The following UQCC1 variants were observed in gnomAD, a reference collection of about 807,000 sequenced individuals.
UQCC1 encodes the protein bFGF-repressed Zic-binding protein.
UQCC1 carries 38 observed loss-of-function variants against 48.0 expected under a neutral mutation model. The observed-to-expected ratio is 0.79, with a 90% confidence interval of 0.61 to 1.04. The LOEUF is 1.04. Among genes scored for constraint, UQCC1 ranks in the 50% least tolerant of loss-of-function variants. The pLI, the probability that UQCC1 is intolerant of heterozygous loss-of-function variation, is 0.00. For synonymous variants in UQCC1, 111 were observed against 129.2 expected (o/e 0.86, Z 0.95); for missense variants, 368 against 381.8 (o/e 0.96, Z 0.30).
intron 1 of UQCC1, among the ~76,000 whole-genome samples, chr20:35,400,420 T>A (rs1049399605): frequency 6.6e-6 from 1 of 152,022 alleles, no homozygotes; most frequent in African/African-American, 2.4e-5. Flanking sequence ...TTAAGATAAA[T>A]GCACTGTTAC....
At chr20:35,385,285 C>A (rs530736337) in intron 2 of UQCC1, among the ~76,000 whole-genome samples, 2 of 152,154 alleles carry the variant, frequency 1.3e-5, no homozygotes, top group Non-Finnish European at 2.9e-5. Flanking sequence ...ACTATCATCA[C>A]CAGCATTATT....
intron 5 of UQCC1, among the ~76,000 whole-genome samples, chr20:35,372,445 T>C (rs2061745135): frequency 6.6e-6 from 1 of 152,182 alleles, no homozygotes; most frequent in Non-Finnish European, 1.5e-5. Flanking sequence ...TTCCAGGTTA[T>C]GAATAAAGAA....
intron 1 of UQCC1, among the ~76,000 whole-genome samples, chr20:35,399,585 G>C (rs2062129933): frequency 6.6e-6 from 1 of 152,156 alleles, no homozygotes; most frequent in East Asian, 1.9e-4. Flanking sequence ...GCCGGGCGCA[G>C]TGGCTCACAT....
intron 7 of UQCC1, among the ~76,000 whole-genome samples, chr20:35,331,054 G>A (rs1437584862): frequency 6.6e-6 from 1 of 152,044 alleles, no homozygotes; most frequent in Non-Finnish European, 1.5e-5. Context: ...AACACCTATC[G>A]AAAATGCCAA....
At chr20:35,410,343 C>G (rs2062330712) in intron 1 of UQCC1, among the ~76,000 whole-genome samples, 2 of 151,388 alleles carry the variant, frequency 1.3e-5, no homozygotes, top group African/African-American at 4.9e-5. Flanking sequence ...ACCAGTCTGG[C>G]CAACATGGTG....
intron 3 of UQCC1, among the ~76,000 whole-genome samples, chr20:35,383,707 G>A (rs950147149): frequency 1.3e-5 from 2 of 152,046 alleles, no homozygotes. Context: ...AAAATTGGCA[G>A]TACACAGTGG....
In UQCC1 at chr20:35,382,711, C is replaced by T. The variant is rs180960955; in HGVS notation, c.226-686G>A. Among the ~76,000 whole-genome samples, 81 of 151,544 alleles carry T rather than the reference C, an allele frequency of 5.3e-4. 1 individual carries two copies. The South Asian group carries it at 0.012, about 23-fold the overall frequency. On this transcript the variant is annotated intron_variant, in intron 3 of 9. Coordinates refer to ENST00000374385, the MANE Select transcript of UQCC1 (RefSeq NM_018244.5). ...ATTTTTAATAGAGATGGAGTTTCAC[C>T]GTGTTAGCCAGGATGGTCTAGATCT...
intron 2 of UQCC1, among the ~76,000 whole-genome samples, chr20:35,391,295 T>C (rs2062011706): frequency 6.6e-6 from 1 of 152,106 alleles, no homozygotes; most frequent in African/African-American, 2.4e-5. Context: ...ACTAGTACTC[T>C]TCAAAAGTGT....
rs765250406 is a variant in UQCC1 at position 35,347,178 on chromosome 20, C to A, written c.559G>T (p.Gly187Cys). Residue 187 changes from glycine to cysteine, a missense_variant, in exon 7 of 10, where the codon GGC becomes TGC. Physicochemically the swap from Gly to Cys is radical, Grantham distance 159 (BLOSUM62 -3). Coordinates refer to ENST00000374385, the MANE Select transcript of UQCC1 (RefSeq NM_018244.5). ...CACTCACTTACCCCCATGACTCTGC[C>A]GCGCTGCTGAACATCCTCCCACATA... ...HFMWEDVQQR[G>C]RVMGVNPYIL... is the part of the protein sequence containing the mutation. 1 of 1,614,030 alleles carries A rather than the reference C, an allele frequency of 6.2e-7. No homozygotes were observed. The highest frequency in any genetic ancestry group is 8.5e-7 in the Non-Finnish European group (1 of 1,180,034).
At chr20:35,396,630 A>C (rs1448012984) in intron 1 of UQCC1, among the ~76,000 whole-genome samples, 3 of 152,192 alleles carry the variant, frequency 2.0e-5, no homozygotes, top group African/African-American at 7.2e-5. Flanking sequence ...TTGATTTCCA[A>C]GACAAGAGAG....
intron 8 of UQCC1, among the ~76,000 whole-genome samples, chr20:35,313,623 A>AT (rs961349609): frequency 2.0e-5 from 3 of 151,906 alleles, no homozygotes; most frequent in East Asian, 3.9e-4. Flanking sequence ...TTCTAATTTC[A>AT]TTTTTTTTGA....
chr20:35,392,340 A>G (rs1485580463), intron 2 of UQCC1: 10 of 1,240,108 alleles, frequency 8.1e-6, no homozygotes, highest in Non-Finnish European at 1.1e-5. Context: ...CAGTTGATTT[A>G]CAATGACTAA....
rs1360339793 is a variant in UQCC1 at position 35,382,007 on chromosome 20, A to C, written c.244T>G (p.Ser82Ala). The stretch of plus-strand genomic sequence containing the variant: ...ACCTTCTCCTCAACAGGCTGTGGGG[A>C]ATCTTTGGTAGTAGAAAGCTGATTA... ...TTRKLSTTKD[S>A]PQPVEEKVGA... The change falls in exon 4 of 10, where the codon TCC becomes GCC. Residue 82 changes from serine to alanine, a missense_variant. By Grantham distance (99) the Ser-to-Ala change is moderately conservative. Coordinates refer to ENST00000374385, the MANE Select transcript of UQCC1 (RefSeq NM_018244.5). 3 of 1,601,028 alleles carry C rather than the reference A, an allele frequency of 1.9e-6. No individual in the cohort carries two copies. The highest frequency in any genetic ancestry group is 2.7e-5 in the African/African-American group (2 of 74,062).
intron 6 of UQCC1, among the ~76,000 whole-genome samples, chr20:35,364,844 A>G (rs994622959): frequency 1.3e-5 from 2 of 152,172 alleles, no homozygotes; most frequent in Admixed American, 1.3e-4. Context: ...TTATTTTGCC[A>G]TCCACTCCCT....
chr20:35,371,699 G>GAAAAAAAAAAA (rs57335287), intron 5 of UQCC1, among the ~76,000 whole-genome samples: 1 of 92,234 alleles, frequency 1.1e-5, no homozygotes. Flanking sequence ...GGCACTTAAA[G>GAAAAAAAAAAA]AAAAAAAAAA....
At chr20:35,313,586 C>T (rs1049318418) in intron 8 of UQCC1, among the ~76,000 whole-genome samples, 3 of 152,076 alleles carry the variant, frequency 2.0e-5, no homozygotes, top group East Asian at 1.9e-4. Flanking sequence ...ATTAAGTTTT[C>T]GTCTGGAGCA....
chr20:35,384,207 TAA>T lies in UQCC1; in HGVS notation c.130-76_130-75del, dbSNP rs1051127939. ...TAATCTGAACAGAGCTGTTTCAAAG[TAA>T]AGACTATAGGATCTTTCCAACCTTA... On this transcript the variant is annotated intron_variant, in intron 2 of 9. Coordinates refer to ENST00000374385, the MANE Select transcript of UQCC1 (RefSeq NM_018244.5). The T allele has an allele frequency of 1.1e-5, 15 of 1,320,828 alleles. No individual in the cohort carries two copies. In the African/African-American group the frequency reaches 2.1e-4, roughly 19 times the overall value. 81.8% of individuals were successfully genotyped at this position (1,320,828 alleles called of 1,614,324 possible).
intron 4 of UQCC1, among the ~76,000 whole-genome samples, chr20:35,376,761 G>T (rs1361388890): frequency 6.6e-6 from 1 of 152,016 alleles, no homozygotes; most frequent in Non-Finnish European, 1.5e-5. Flanking sequence ...TCAAGAGATT[G>T]AGACCATCCT....
At chr20:35,366,185 A>G (rs932610760) in intron 6 of UQCC1, among the ~76,000 whole-genome samples, 6 of 152,246 alleles carry the variant, frequency 3.9e-5, no homozygotes, top group African/African-American at 1.2e-4. Context: ...TCTGATGACC[A>G]GCAATGAAAA....
Sources: gnomAD v4.1 joint callset for allele counts (sites outside exome capture counted in the v4.1 genomes callset) on GRCh38, gnomAD v4.1.1 for gene constraint, MANE v1.5 for transcripts, NCBI Gene and HGNC (gene_info 2026-07-23, HGNC 2026-07-21) for gene names.